AKAP17A: variants seen among roughly 807,000 people sequenced by gnomAD.
AKAP17A encodes A-kinase anchor protein 17A.
A neutral mutation model predicts 52.2 loss-of-function variants in AKAP17A; 15 were observed. The ratio of observed to expected loss-of-function variants is 0.29; its 90% CI spans 0.19 to 0.44. The LOEUF (loss-of-function observed/expected upper bound fraction) is 0.44, where lower values mean the gene tolerates loss of function less well. AKAP17A is among the 20% of genes least tolerant of loss of function. The probability of loss-of-function intolerance (pLI) is 1.00; values close to 1 mark genes in which losing one functional copy is unlikely to be tolerated. For missense variants in AKAP17A, 1,060 were observed against 1,007.0 expected (o/e 1.05, Z -0.71); for synonymous variants, 514 against 424.7 (o/e 1.21, Z -2.58).
chrX:1,598,520 G>C (rs186583409), intron 3 of AKAP17A, among the ~76,000 whole-genome samples: 88 of 152,264 alleles, frequency 5.8e-4, no homozygotes, highest in Non-Finnish European at 1.0e-3. Flanking sequence ...CCCATGTCCG[G>C]TGTTGGTTGA....
intron 3 of AKAP17A, among the ~76,000 whole-genome samples, chrX:1,596,788 A>G (rs1178282812): frequency 1.1e-4 from 6 of 53,940 alleles, no homozygotes; most frequent in African/African-American, 3.4e-4. Flanking sequence ...TTCCTCCTCC[A>G]TCCCTCCCGC....
Position 1,598,183 on chromosome X carries a change from C to T in AKAP17A, c.912-1009C>T, listed in dbSNP as rs1162584374. 7.9e-5 allele frequency among the ~76,000 whole-genome samples: 12 copies of T among 151,846 alleles called. No individual in the cohort carries two copies. The South Asian group carries it at 1.0e-3, about 13-fold the overall frequency. ...GCTGCCCTGAGCCGCCCTCCGAGCT[C>T]GTGGGGCGGTGACAGCTCACAGGGC... is the stretch of plus-strand genomic sequence containing the variant. On this transcript the variant is annotated intron_variant, in intron 3 of 4. Coordinates refer to ENST00000313871, the MANE Select transcript of AKAP17A (RefSeq NM_005088.3).
intron 3 of AKAP17A, among the ~76,000 whole-genome samples, chrX:1,598,948 G>C (rs775143663): frequency 1.3e-5 from 2 of 152,274 alleles, no homozygotes; most frequent in South Asian, 4.1e-4. Context: ...TTTTCTTCGT[G>C]GTTTCAGGGT....
intron 3 of AKAP17A, among the ~76,000 whole-genome samples, chrX:1,598,226 A>T (rs775839546): frequency 6.6e-6 from 1 of 152,190 alleles, no homozygotes; most frequent in Admixed American, 6.5e-5. Context: ...CCTTCAGCAC[A>T]TGAAACTGCC....
At chrX:1,595,234 TCTGCACCGGACATGAGTGG>T in intron 2 of AKAP17A, 131 bp from the exon 3 acceptor site, 1 of 182,080 alleles carries the variant, frequency 5.5e-6, no homozygotes, top group Non-Finnish European at 7.7e-6. Flanking sequence ...ACTGTCTGGG[TCTGCACCGGACATGAGTGG>T]TGAGCGGTGA....
chrX:1,593,244 G>T (rs1249158523), intron 1 of AKAP17A, among the ~76,000 whole-genome samples, 200 bp from the exon 2 acceptor site: 1 of 152,102 alleles, frequency 6.6e-6, no homozygotes, highest in Non-Finnish European at 1.5e-5. Flanking sequence ...TTTCCCCTTT[G>T]GTGTACTCTT....
Position 1,601,170 on chromosome X carries a change from A to G in AKAP17A, c.1664A>G (p.Gln555Arg). Reference protein sequence around the residue: ...GVLSCIPDNNQQPKGIPACEQ... With the variant: ...GVLSCIPDNNRQPKGIPACEQ... The stretch of plus-strand genomic sequence containing the variant: ...CTCTCCTGCATTCCTGACAACAACC[A>G]ACAGCCCAAGGGCATCCCTGCCTGC... Residue 555 changes from glutamine to arginine, a missense_variant, in exon 5 of 5, where the codon CAA becomes CGA. Around this residue, in one of 2 missense-constraint regions of AKAP17A, gnomAD observed 793 missense variants for 629.9 expected, o/e 1.26. Transcript: ENST00000313871. 3.1e-6 allele frequency: 5 copies of G among 1,613,892 alleles called. No individual in the cohort carries two copies. Among genetic ancestry groups the G allele is most frequent in the Non-Finnish European group, 4.2e-6 (5 of 1,179,772 alleles).
At chrX:1,596,909 A>G (rs769521453) in intron 3 of AKAP17A, among the ~76,000 whole-genome samples, 1 of 145,744 alleles carries the variant, frequency 6.9e-6, no homozygotes, top group Non-Finnish European at 1.5e-5. Context: ...CCACCCTCCT[A>G]GTGAGGCGGA....
chrX:1,599,848 G>C (rs1933256580), intron 4 of AKAP17A: 3 of 594,494 alleles, frequency 5.0e-6, no homozygotes, highest in South Asian at 4.0e-5. Flanking sequence ...GGTGGGCTGG[G>C]GGGAGGGCTG....
chrX:1,596,724 CCTT>C lies in AKAP17A; in HGVS notation c.911+1195_911+1197del, dbSNP rs761615998. 2.8e-5 allele frequency among the ~76,000 whole-genome samples: 2 copies of C among 71,840 alleles called. 1 individual carries two copies. Among genetic ancestry groups the C allele is most frequent in the Non-Finnish European group, 5.5e-5 (2 of 36,526 alleles). 47.1% of individuals were successfully genotyped at this position (71,840 alleles called of 152,430 possible). A position where few individuals can be genotyped will look rare whatever the true frequency, so the allele number is the denominator to read the frequency against. Reference sequence around the variant, plus strand: ...CCTAGTGAGGTGGATTCCTCCTCCTCCTTCTCCGTCCCTCCCACCCTCCTAGTG... The same window carrying C: ...CCTAGTGAGGTGGATTCCTCCTCCTCCTCCGTCCCTCCCACCCTCCTAGTG... On this transcript the variant is annotated intron_variant, in intron 3 of 4. Transcript: ENST00000313871.
intron 3 of AKAP17A, among the ~76,000 whole-genome samples, chrX:1,598,134 G>A (rs1933114871): frequency 1.3e-5 from 2 of 152,204 alleles, no homozygotes; most frequent in Non-Finnish European, 2.9e-5. Flanking sequence ...TGTGGGTCCC[G>A]CCTAAGGGCG....
chrX:1,601,064 G>T lies in AKAP17A; in HGVS notation c.1558G>T (p.Ala520Ser), dbSNP rs1404459313. Residue 520 changes from alanine (A) to serine (S), a missense_variant, in exon 5 of 5, where the codon GCC (alanine) becomes TCC (serine). By Grantham distance (99) the Ala-to-Ser change is moderately conservative (BLOSUM62 1). Transcript: ENST00000313871. The stretch of plus-strand genomic sequence containing the variant: ...CGTGAACGGGAGCGTGGCCGAGGAG[G>T]CCCCATGCAAGGAGGTTCAGAGCTC... ...KSVNGSVAEE[A>S]PCKEVQSSCR... 1 of 1,613,416 alleles carries T rather than the reference G, an allele frequency of 6.2e-7. No individual in the cohort carries two copies. Among genetic ancestry groups the T allele is most frequent in the African/African-American group, 1.3e-5 (1 of 74,908 alleles).
Position 1,591,735 on chromosome X carries a change from G to A in AKAP17A, c.-54G>A, listed in dbSNP as rs1335809841. ...ACGGCGGGAGCTTGGGCCAGCGGCG[G>A]CGGCGGCCTGGGACGCAGGCGGAGC... On this transcript the variant is annotated 5_prime_UTR_variant, in exon 1 of 5. Transcript: ENST00000313871. 1 of 151,940 alleles carries A rather than the reference G, an allele frequency of 6.6e-6. No homozygotes were observed. The highest frequency in any genetic ancestry group is 2.4e-5 in the African/African-American group (1 of 41,366). The allele number at this position is 151,940 out of a possible 1,614,324, so 9.4% of individuals were successfully genotyped here.
chrX:1,600,763 G>T lies in AKAP17A; in HGVS notation c.1257G>T (p.Glu419Asp). ...LQEAELRRVEEEKERALGLQR... is the reference protein window; with the variant it reads ...LQEAELRRVEDEKERALGLQR... ...AGGCCGAGCTGCGGCGCGTGGAGGA[G>T]GAGAAGGAGCGCGCGCTGGGCCTGC... Residue 419 changes from glutamate to aspartate, a missense_variant, in exon 5 of 5, where the codon GAG becomes GAT. Coordinates refer to ENST00000313871, the MANE Select transcript of AKAP17A (RefSeq NM_005088.3). 1 of 1,566,082 alleles carries T rather than the reference G, an allele frequency of 6.4e-7. No homozygotes were observed. The highest frequency in any genetic ancestry group is 8.6e-7 in the Non-Finnish European group (1 of 1,160,460).
chrX:1,598,957 G>T (rs1222474334), intron 3 of AKAP17A, among the ~76,000 whole-genome samples: 1 of 152,198 alleles, frequency 6.6e-6, no homozygotes, highest in Non-Finnish European at 1.5e-5. Flanking sequence ...TGGTTTCAGG[G>T]TTGGGTCACA....
At chrX:1,594,765 C>T (rs1362884076) in intron 2 of AKAP17A, among the ~76,000 whole-genome samples, 13 of 152,106 alleles carry the variant, frequency 8.5e-5, no homozygotes, top group East Asian at 1.9e-4. Context: ...ACTACAGGCG[C>T]GTGCCATCAC....
chrX:1,596,064 C>G (rs1261395502), intron 3 of AKAP17A, among the ~76,000 whole-genome samples: 1 of 151,970 alleles, frequency 6.6e-6, no homozygotes, highest in Non-Finnish European at 1.5e-5. Flanking sequence ...TCTGCCGGCT[C>G]CCAGGACCGC....
At position 1,600,873 on chromosome X, in the gene AKAP17A, TG is replaced by T; in HGVS notation, c.1370del (p.Gly457AlafsTer23). On this transcript the variant is annotated frameshift_variant, in exon 5 of 5. Transcript: ENST00000313871. LOFTEE classifies it high-confidence loss of function. ...KPDDSHTHDE[L>X]GVAHADLLQP... ...GACGACAGCCACACACACGACGAGC[TG>T]GGCGTGGCACACGCCGACCTGCTGC... 1 of 1,587,402 alleles carries T rather than the reference TG, an allele frequency of 6.3e-7. No homozygotes were observed. Among genetic ancestry groups the T allele is most frequent in the South Asian group, 1.1e-5 (1 of 88,532 alleles).
At position 1,599,248 on chromosome X, in the gene AKAP17A, G is replaced by A. The variant is rs199956000; in HGVS notation, c.968G>A (p.Arg323His). The change falls in exon 4 of 5, where the codon CGC becomes CAC. Residue 323 changes from arginine (R) to histidine (H), a missense_variant. By Grantham distance (29) the Arg-to-His change is conservative. Coordinates refer to ENST00000313871, the MANE Select transcript of AKAP17A (RefSeq NM_005088.3). ...ERERKREEKL[R>H]KREQKQRDRE... ...GAGAGGAAAAGAGAAGAGAAGCTTCGCAAGAGGGAGCAGAAGCAGAGGGAC... is the reference window on the plus strand; with the variant it reads ...GAGAGGAAAAGAGAAGAGAAGCTTCACAAGAGGGAGCAGAAGCAGAGGGAC... 82 of 1,612,590 alleles carry A rather than the reference G, an allele frequency of 5.1e-5. No homozygotes were observed. Among genetic ancestry groups the A allele is most frequent in the East Asian group, 3.8e-4 (17 of 44,886 alleles).
Sources: gnomAD v4.1 joint callset for allele counts (sites outside exome capture counted in the v4.1 genomes callset) on GRCh38, gnomAD v4.1.1 for gene constraint, gnomAD v4.1.1 regional missense constraint, MANE v1.5 for transcripts, NCBI Gene and HGNC (gene_info 2026-07-23, HGNC 2026-07-21) for gene names.